POTEC: variants seen among roughly 807,000 people sequenced by gnomAD.
POTEC encodes the protein POTE ankyrin domain family member C, also known as ANKRD26-like family B member 2.
A neutral mutation model predicts 62.0 loss-of-function variants in POTEC; 35 were observed. The ratio of observed to expected loss-of-function variants is 0.56; its 90% CI spans 0.43 to 0.75. POTEC has a LOEUF of 0.75. POTEC is among the 30% of genes least tolerant of loss of function. The pLI, the probability that POTEC is intolerant of heterozygous loss-of-function variation, is 0.00. For synonymous variants in POTEC, 156 were observed against 221.5 expected, an observed-to-expected ratio of 0.70 and a Z score of 2.62; for missense variants, 472 against 655.9, an observed-to-expected ratio of 0.72 and a Z score of 3.06.
intron 9 of POTEC, among the ~76,000 whole-genome samples, chr18:14,516,298 T>TTATATATATATA (rs200611192): frequency 5.3e-3 from 133 of 25,022 alleles, no homozygotes; most frequent in Non-Finnish European, 6.2e-3. Flanking sequence ...AAAGAAAATT[T>TTATATATATATA]TATATATATA....
chr18:14,529,054 A>C (rs1910512099), intron 6 of POTEC: 1 of 454,078 alleles, frequency 2.2e-6, no homozygotes, highest in Non-Finnish European at 4.4e-6. Context: ...ACCTAGAAAA[A>C]TTCTTCTCAC....
At chr18:14,538,968 G>A in intron 1 of POTEC, among the ~76,000 whole-genome samples, 1 of 152,136 alleles carries the variant, frequency 6.6e-6, no homozygotes, top group Non-Finnish European at 1.5e-5. Context: ...CAGGTCTGGG[G>A]CAGTTCCAGT....
Position 14,511,632 on chromosome 18 carries a change from C to A in POTEC, c.*266G>T. Reference sequence around the variant, plus strand: ...TCAGCTATCTGACTTTGATCACAATCATGTAGAGCAGTAGTCAGTCTACAA... The same window carrying A: ...TCAGCTATCTGACTTTGATCACAATAATGTAGAGCAGTAGTCAGTCTACAA... On this transcript the variant is annotated 3_prime_UTR_variant, in exon 11 of 11. Transcript: ENST00000358970. The A allele has an allele frequency of 1.8e-6, 1 of 551,652 alleles. No individual in the cohort carries two copies. Among genetic ancestry groups the A allele is most frequent in the Non-Finnish European group, 3.2e-6 (1 of 310,620 alleles). 34.2% of individuals were successfully genotyped at this position (551,652 alleles called of 1,614,324 possible).
Position 14,508,033 on chromosome 18 carries a change from T to A in POTEC, c.*3865A>T, listed in dbSNP as rs911437244. 5 of 152,174 alleles carry A rather than the reference T, an allele frequency of 3.3e-5. No individual in the cohort carries two copies. Among genetic ancestry groups the A allele is most frequent in the African/African-American group, 1.2e-4 (5 of 41,434 alleles). 9.4% of individuals were successfully genotyped at this position (152,174 alleles called of 1,614,324 possible). The stretch of plus-strand genomic sequence containing the variant: ...ATTTTGACCTCAGAGAATCTGATGA[T>A]TATGTGTCTTGGGGATGATCTTCTC... On this transcript the variant is annotated 3_prime_UTR_variant, in exon 11 of 11. Transcript: ENST00000358970.
In POTEC at chr18:14,543,314, G is replaced by C. The variant is rs573119476; in HGVS notation, c.-168C>G. The C allele has an allele frequency of 1.1e-4, 141 of 1,263,204 alleles. 2 individuals are homozygous for C. In the South Asian group the frequency reaches 1.9e-3, roughly 17 times the overall value. 78.2% of individuals were successfully genotyped at this position (1,263,204 alleles called of 1,614,324 possible). ...AGGGAGCCCAGTCCACCCCACCCAG[G>C]GAAAACCCACACCCACCCGGGGAAA... is the stretch of plus-strand genomic sequence containing the variant. On this transcript the variant is annotated 5_prime_UTR_variant, in exon 1 of 11. Coordinates refer to ENST00000358970, the MANE Select transcript of POTEC (RefSeq NM_001137671.2).
chr18:14,540,577 C>T (rs1905898749), intron 1 of POTEC, among the ~76,000 whole-genome samples: 1 of 152,144 alleles, frequency 6.6e-6, no homozygotes, highest in South Asian at 2.1e-4. Context: ...TCAATGGTTA[C>T]ATATTATTCC....
At position 14,543,528 on chromosome 18, in the gene POTEC, C is replaced by G. The variant is rs1347890479; in HGVS notation, c.-382G>C. ...CCAGGCAAAGCGACTAACGCCAAGC[C>G]AAGCTAGGAACGCAAGGCCAAGCGA... On this transcript the variant is annotated 5_prime_UTR_variant, in exon 1 of 11. Transcript: ENST00000358970. The G allele has an allele frequency of 2.6e-6, 1 of 382,422 alleles. No individual in the cohort carries two copies. Among genetic ancestry groups the G allele is most frequent in the African/African-American group, 2.1e-5 (1 of 48,148 alleles). The allele number at this position is 382,422 out of a possible 1,614,324, so 23.7% of individuals were successfully genotyped here.
At position 14,542,679 on chromosome 18, in the gene POTEC, A is replaced by C. The variant is rs200619407; in HGVS notation, c.468T>G (p.Asp156Glu). The change falls in exon 1 of 11, where the codon GAT (aspartate) becomes GAG (glutamate). Residue 156 changes from aspartate to glutamate, a missense_variant. Physicochemically the swap from Asp to Glu is conservative, Grantham distance 45. Transcript: ENST00000358970. ...AAWWGKVPRKDLIVMLRDTDM... is the reference protein window; with the variant it reads ...AAWWGKVPRKELIVMLRDTDM... ...CCGTGTCCCTGAGCATGACGATGAG[A>C]TCCTTTCTGGGGACCTTACCCCACC... The C allele has an allele frequency of 2.1e-4, 344 of 1,612,742 alleles. No individual in the cohort carries two copies. Among genetic ancestry groups the C allele is most frequent in the Non-Finnish European group, 2.0e-4 (232 of 1,179,924 alleles).
chr18:14,510,528 G>T lies in POTEC; in HGVS notation c.*1370C>A, dbSNP rs1255094121. 6.6e-6 allele frequency: 1 copy of T among 152,012 alleles called. No homozygotes were observed. The highest frequency in any genetic ancestry group is 1.5e-5 in the Non-Finnish European group (1 of 68,010). 9.4% of individuals were successfully genotyped at this position (152,012 alleles called of 1,614,324 possible). On this transcript the variant is annotated 3_prime_UTR_variant, in exon 11 of 11. Transcript: ENST00000358970. ...GTGGGGCTGCCGTGGTATGCTGGGG[G>T]TCCACTCCAGTCGCCAATTGCCTCG...
At chr18:14,537,132 C>T (rs1363209510) in intron 3 of POTEC, among the ~76,000 whole-genome samples, 22 of 141,694 alleles carry the variant, frequency 1.6e-4, no homozygotes, top group Non-Finnish European at 2.7e-4. Context: ...GAAAAGAACC[C>T]TGTCTCACCA....
rs1471224996 is a variant in POTEC, at chr18:14,537,222, AAAAC to A, written c.810+575_810+578del. Among the ~76,000 whole-genome samples, 521 of 121,740 alleles carry A rather than the reference AAAAC, an allele frequency of 4.3e-3. 15 individuals carry two copies. The highest frequency in any genetic ancestry group is 0.042 in the South Asian group (147 of 3,512). 79.9% of individuals were successfully genotyped at this position (121,740 alleles called of 152,430 possible). A position where few individuals can be genotyped will look rare whatever the true frequency, so the allele number is the denominator to read the frequency against. On this transcript the variant is annotated intron_variant, in intron 3 of 10. Coordinates refer to ENST00000358970, the MANE Select transcript of POTEC (RefSeq NM_001137671.2). ...ACACACACACACACAAAAAAAAAAA[AAAAC>A]AAAAAAAAACCTCTTCATGGTCTTT... is the stretch of plus-strand genomic sequence containing the variant.
At position 14,508,510 on chromosome 18, in the gene POTEC, C is replaced by T. The variant is rs1478690363; in HGVS notation, c.*3388G>A. On this transcript the variant is annotated 3_prime_UTR_variant, in exon 11 of 11. Transcript: ENST00000358970. The stretch of plus-strand genomic sequence containing the variant: ...CAATAATATTCATAATGCAATCACA[C>T]ACAATCACCATGTGACTACATTATG... 1 of 152,648 alleles carries T rather than the reference C, an allele frequency of 6.6e-6. No individual in the cohort carries two copies. Among genetic ancestry groups the T allele is most frequent in the Non-Finnish European group, 1.5e-5 (1 of 68,048 alleles). 9.5% of individuals were successfully genotyped at this position (152,648 alleles called of 1,614,324 possible).
In POTEC at chr18:14,507,614, G is replaced by C. The variant is rs1026225678; in HGVS notation, c.*4284C>G. ...TAATGGTATGTGTGGATTTGATCCTGTCATCATGCTGTCAGCTGGCTCTTT... is the reference window on the plus strand; with the variant it reads ...TAATGGTATGTGTGGATTTGATCCTCTCATCATGCTGTCAGCTGGCTCTTT... On this transcript the variant is annotated 3_prime_UTR_variant, in exon 11 of 11. Transcript: ENST00000358970. 1.3e-5 allele frequency: 2 copies of C among 152,118 alleles called. No individual in the cohort carries two copies. Among genetic ancestry groups the C allele is most frequent in the African/African-American group, 4.8e-5 (2 of 41,410 alleles). 9.4% of individuals were successfully genotyped at this position (152,118 alleles called of 1,614,324 possible).
chr18:14,512,284 G>T (rs1305924176), intron 10 of POTEC, among the ~76,000 whole-genome samples: 1 of 152,120 alleles, frequency 6.6e-6, no homozygotes, highest in Non-Finnish European at 1.5e-5. Flanking sequence ...TAAAATAGAA[G>T]ATTAATACAT....
At chr18:14,529,193 T>C (rs1333566010) in intron 6 of POTEC, 1 of 315,936 alleles carries the variant, frequency 3.2e-6, no homozygotes, top group Non-Finnish European at 6.2e-6. Flanking sequence ...GAGCACACAG[T>C]AAGCACTGAA....
At position 14,511,797 on chromosome 18, in the gene POTEC, C is replaced by A. The variant is rs1238363606; in HGVS notation, c.*101G>T. 2 of 1,229,262 alleles carry A rather than the reference C, an allele frequency of 1.6e-6. No homozygotes were observed. The highest frequency in any genetic ancestry group is 3.1e-5 in the African/African-American group (2 of 63,866). 76.1% of individuals were successfully genotyped at this position (1,229,262 alleles called of 1,614,324 possible). On this transcript the variant is annotated 3_prime_UTR_variant, in exon 11 of 11. Transcript: ENST00000358970. ...TGGTTTTCGTTAATGCTTCTTCATT[C>A]AATTGCATAGCCCTTAGAAGTTTAT... is the stretch of plus-strand genomic sequence containing the variant.
intron 7 of POTEC, among the ~76,000 whole-genome samples, chr18:14,523,995 C>T (rs1465564282): frequency 6.6e-6 from 1 of 151,988 alleles, no homozygotes; most frequent in Non-Finnish European, 1.5e-5. Context: ...ATTGTAGGCA[C>T]GCTTTAAATT....
At chr18:14,539,697 G>A (rs1180808776) in intron 1 of POTEC, among the ~76,000 whole-genome samples, 1 of 151,460 alleles carries the variant, frequency 6.6e-6, no homozygotes, top group Non-Finnish European at 1.5e-5. Flanking sequence ...CTTTACCCAA[G>A]CCTTATACAT....
chr18:14,538,233 C>T lies in POTEC; in HGVS notation c.538G>A (p.Ala180Thr), dbSNP rs574105463. The change falls in exon 2 of 11, where the codon GCC becomes ACC. Residue 180 changes from alanine (A) to threonine (T), a missense_variant. Ala to Thr is a moderately conservative substitution (Grantham distance 58). Transcript: ENST00000358970. The part of the protein sequence containing the change: ...DKQKRTALHL[A>T]SANGNSEVVQ... ...ACTTCTGAATTTCCATTGGCAGAGG[C>T]CAAATGTAGAGCAGTCCTATGAGAG... The T allele has an allele frequency of 9.3e-6, 15 of 1,608,536 alleles. No homozygotes were observed. The highest frequency in any genetic ancestry group is 1.7e-6 in the Non-Finnish European group (2 of 1,177,880).
Sources: gnomAD v4.1 joint callset for allele counts (sites outside exome capture counted in the v4.1 genomes callset) on GRCh38, gnomAD v4.1.1 for gene constraint, MANE v1.5 for transcripts, NCBI Gene and HGNC (gene_info 2026-07-23, HGNC 2026-07-21) for gene names.